The following FMN2 variants were observed in gnomAD, a reference collection of about 807,000 sequenced individuals.
FMN2 encodes the protein formin-2.
FMN2 carries 51 observed loss-of-function variants against 142.3 expected under a neutral mutation model. The ratio of observed to expected loss-of-function variants is 0.36; its 90% CI spans 0.29 to 0.45. The LOEUF is 0.45. Among genes scored for constraint, FMN2 ranks in the 20% least tolerant of loss-of-function variants. The pLI is 1.00. For synonymous variants in FMN2, 882 were observed against 869.8 expected, an observed-to-expected ratio of 1.01 and a Z score of -0.25; for missense variants, 1,936 against 2,122.8, an observed-to-expected ratio of 0.91 and a Z score of 1.73.
At chr1:240,136,560 A>G (rs1662948351) in intron 2 of FMN2, among the ~76,000 whole-genome samples, 1 of 151,922 alleles carries the variant, frequency 6.6e-6, no homozygotes, top group African/African-American at 2.4e-5. Context: ...CTTTTTTTTA[A>G]TCACCCATTT....
At chr1:240,273,448 A>G (rs12030198) in intron 7 of FMN2, among the ~76,000 whole-genome samples, 41,368 of 152,032 alleles carry the variant, frequency 0.27, 5,797 homozygotes, top group Middle Eastern at 0.35. Context: ...CCTCTGCTGT[A>G]CTTGCTGAGA....
chr1:240,280,619 G>A (rs1363326440), intron 7 of FMN2, among the ~76,000 whole-genome samples: 1 of 152,116 alleles, frequency 6.6e-6, no homozygotes, highest in Non-Finnish European at 1.5e-5. Context: ...AATCTGTTAT[G>A]CCCAATAAAG....
intron 2 of FMN2, among the ~76,000 whole-genome samples, chr1:240,166,012 C>T (rs7525061): frequency 0.18 from 26,599 of 151,828 alleles, 2,534 homozygotes; most frequent in Middle Eastern, 0.27. Context: ...AGCCAACCTC[C>T]GCTCACTAGG....
chr1:240,323,382 G>A (rs989929436), intron 8 of FMN2, among the ~76,000 whole-genome samples: 3 of 152,094 alleles, frequency 2.0e-5, no homozygotes, highest in Non-Finnish European at 4.4e-5. Flanking sequence ...TTTTAGTAGA[G>A]ACAGGGTTTC....
intron 10 of FMN2, among the ~76,000 whole-genome samples, chr1:240,329,820 T>G (rs1245471943): frequency 2.0e-5 from 3 of 152,084 alleles, no homozygotes; most frequent in Non-Finnish European, 4.4e-5. Context: ...TTACTTTCTT[T>G]CGTTATCTGG....
chr1:240,344,926 G>T (rs1427266868), intron 13 of FMN2, among the ~76,000 whole-genome samples: 3 of 152,186 alleles, frequency 2.0e-5, no homozygotes, highest in Non-Finnish European at 4.4e-5. Context: ...AAAGCCATGA[G>T]ATTCTGTTTC....
At chr1:240,296,729 G>GT (rs1205496415) in intron 8 of FMN2, among the ~76,000 whole-genome samples, 1 of 151,662 alleles carries the variant, frequency 6.6e-6, no homozygotes, top group African/African-American at 2.4e-5. Flanking sequence ...TGAGACCGAT[G>GT]TAAGACAAAA....
intron 14 of FMN2, among the ~76,000 whole-genome samples, chr1:240,360,984 G>A (rs368411151): frequency 8.6e-5 from 13 of 151,744 alleles, no homozygotes; most frequent in East Asian, 2.0e-4. Flanking sequence ...GGTCGGGAGA[G>A]GGGGGAGGGA....
intron 6 of FMN2, among the ~76,000 whole-genome samples, chr1:240,221,188 G>A (rs1318761656): frequency 1.3e-5 from 2 of 152,146 alleles, no homozygotes; most frequent in Non-Finnish European, 1.5e-5. Flanking sequence ...ATGTGTGCAT[G>A]CGTCTTTATA....
At chr1:240,441,286 C>T (rs1675609078) in intron 16 of FMN2, among the ~76,000 whole-genome samples, 1 of 152,130 alleles carries the variant, frequency 6.6e-6, no homozygotes, top group African/African-American at 2.4e-5. Flanking sequence ...AGCCACCACA[C>T]CTGGCCTGGT....
intron 2 of FMN2, among the ~76,000 whole-genome samples, chr1:240,171,945 G>A (rs1251563149): frequency 6.6e-6 from 1 of 152,148 alleles, no homozygotes; most frequent in Non-Finnish European, 1.5e-5. Context: ...AGCCAAAACA[G>A]ATCTGAAGAA....
chr1:240,297,017 C>A (rs1240085943), intron 8 of FMN2, among the ~76,000 whole-genome samples: 1 of 152,164 alleles, frequency 6.6e-6, no homozygotes, highest in Non-Finnish European at 1.5e-5. Flanking sequence ...TTCATACTAA[C>A]CCTCTTCCAA....
chr1:240,181,642 T>G (rs1665157905), intron 3 of FMN2, among the ~76,000 whole-genome samples: 1 of 152,180 alleles, frequency 6.6e-6, no homozygotes, highest in Non-Finnish European at 1.5e-5. Context: ...CCTAAAGTGT[T>G]AACATTGACC....
At chr1:240,157,704 G>T (rs1023694563) in intron 2 of FMN2, among the ~76,000 whole-genome samples, 1 of 151,988 alleles carries the variant, frequency 6.6e-6, no homozygotes, top group Non-Finnish European at 1.5e-5. Context: ...ATTATGATTT[G>T]CAAAAATTAT....
At chr1:240,387,736 A>G (rs552594240) in intron 14 of FMN2, among the ~76,000 whole-genome samples, 1 of 152,338 alleles carries the variant, frequency 6.6e-6, no homozygotes, top group South Asian at 2.1e-4. Flanking sequence ...ACAAGGAAAT[A>G]TGTGAGATTC....
intron 2 of FMN2, chr1:240,143,527 T>G: frequency 6.3e-7 from 1 of 1,590,740 alleles, no homozygotes; most frequent in Non-Finnish European, 8.6e-7. Flanking sequence ...GGAGTCAAAG[T>G]GTTCGCTGCA....
chr1:240,207,214 A>G lies in FMN2; in HGVS notation c.2402A>G (p.His801Arg). Residue 801 changes from histidine (H) to arginine (R), a missense_variant, in exon 5 of 18, where the codon CAT becomes CGT. Physicochemically the swap from His to Arg is conservative, Grantham distance 29. Transcript: ENST00000319653. Reference sequence around the variant, plus strand: ...CGAATATCAGTCCAGCTCGACAGCCATCAGCCCACACAGAGCATCTCACAG... The same window carrying G: ...CGAATATCAGTCCAGCTCGACAGCCGTCAGCCCACACAGAGCATCTCACAG... ...PRRISVQLDS[H>R]QPTQSISQPP... The G allele has an allele frequency of 6.2e-7, 1 of 1,614,034 alleles. No individual in the cohort carries two copies. The highest frequency in any genetic ancestry group is 8.5e-7 in the Non-Finnish European group (1 of 1,179,944).
intron 6 of FMN2, among the ~76,000 whole-genome samples, chr1:240,251,556 G>A (rs973761742): frequency 6.6e-6 from 1 of 152,170 alleles, no homozygotes; most frequent in African/African-American, 2.4e-5. Context: ...GCTGTTGAAT[G>A]CAATGTTCTG....
intron 8 of FMN2, among the ~76,000 whole-genome samples, chr1:240,304,641 G>A (rs1386499179): frequency 6.6e-6 from 1 of 152,196 alleles, no homozygotes; most frequent in East Asian, 1.9e-4. Context: ...ACTACAGTGG[G>A]GGGACAGAGG....
Sources: gnomAD v4.1 joint callset for allele counts (sites outside exome capture counted in the v4.1 genomes callset) on GRCh38, gnomAD v4.1.1 for gene constraint, MANE v1.5 for transcripts, NCBI Gene and HGNC (gene_info 2026-07-23, HGNC 2026-07-21) for gene names.